DNAJC3: variants seen among roughly 807,000 people sequenced by gnomAD.
DNAJC3 encodes the protein DnaJ heat shock protein family (Hsp40) member C3, also known as dnaJ homolog subfamily C member 3.
Under a neutral mutation model 68.6 loss-of-function variants are expected in DNAJC3, and 38 were observed. The ratio of observed to expected loss-of-function variants is 0.55; its 90% CI spans 0.43 to 0.73. DNAJC3 has a LOEUF of 0.73. DNAJC3 is among the 30% of genes least tolerant of loss of function. The pLI, the probability that DNAJC3 is intolerant of heterozygous loss-of-function variation, is 0.00. For synonymous variants in DNAJC3, 203 were observed against 204.0 expected, an observed-to-expected ratio of 1.00 and a Z score of 0.04; for missense variants, 526 against 591.9, an observed-to-expected ratio of 0.89 and a Z score of 1.16.
rs976429170 is a variant in DNAJC3 at position 95,793,542 on chromosome 13, T to G, written c.*2512T>G. On this transcript the variant is annotated 3_prime_UTR_variant, in exon 12 of 12. Coordinates refer to ENST00000602402, the MANE Select transcript of DNAJC3 (RefSeq NM_006260.5). The stretch of plus-strand genomic sequence containing the variant: ...TCTTGCTCTGTTGCCCAGGCTGGAG[T>G]GCAGGGACACCTCCCGGGTTCAAGC... 3 of 136,644 alleles carry G rather than the reference T, an allele frequency of 2.2e-5. No homozygotes were observed. The Admixed American group carries it at 2.6e-4, about 12-fold the overall frequency. 8.5% of individuals were successfully genotyped at this position (136,644 alleles called of 1,614,324 possible).
At chr13:95,767,662 C>A (rs368434058) in intron 9 of DNAJC3, among the ~76,000 whole-genome samples, 3 of 150,290 alleles carry the variant, frequency 2.0e-5, no homozygotes, top group East Asian at 1.9e-4. Context: ...GATTCTGATT[C>A]TTCCACATCC....
At chr13:95,770,250 CTTCT>C (rs948974056) in intron 9 of DNAJC3, among the ~76,000 whole-genome samples, 6 of 151,252 alleles carry the variant, frequency 4.0e-5, no homozygotes, top group African/African-American at 1.5e-4. Flanking sequence ...AATGAAGAGG[CTTCT>C]TTAAGAAAGG....
chr13:95,701,745 C>T (rs1208041807), intron 1 of DNAJC3, among the ~76,000 whole-genome samples: 1 of 152,174 alleles, frequency 6.6e-6, no homozygotes, highest in African/African-American at 2.4e-5. Flanking sequence ...AGTTATTGAG[C>T]ACTTAAACTG....
chr13:95,755,613 C>T (rs1004412278), intron 4 of DNAJC3, among the ~76,000 whole-genome samples: 2 of 150,898 alleles, frequency 1.3e-5, no homozygotes, highest in African/African-American at 4.9e-5. Flanking sequence ...AAAAATTAGC[C>T]GGGCATGGTG....
At chr13:95,768,534 G>A (rs1192816571) in intron 9 of DNAJC3, among the ~76,000 whole-genome samples, 3 of 152,170 alleles carry the variant, frequency 2.0e-5, no homozygotes, top group African/African-American at 7.2e-5. Context: ...GCTGGCCTGG[G>A]CAAAATTGTG....
At chr13:95,764,715 TATAC>T (rs1446806203) in intron 9 of DNAJC3, among the ~76,000 whole-genome samples, 7 of 135,794 alleles carry the variant, frequency 5.2e-5, no homozygotes, top group Non-Finnish European at 1.1e-4. Context: ...TACATATATA[TATAC>T]ACATATATAT....
chr13:95,742,643 G>C (rs778536832), intron 4 of DNAJC3: 2 of 516,134 alleles, frequency 3.9e-6, no homozygotes, highest in Non-Finnish European at 7.8e-6. Flanking sequence ...GGTGTTTCCT[G>C]TTCCTTCTCT....
chr13:95,691,674 A>G (rs543976374), intron 1 of DNAJC3, among the ~76,000 whole-genome samples: 10 of 152,196 alleles, frequency 6.6e-5, no homozygotes, highest in South Asian at 2.1e-4. Flanking sequence ...AGAGGCTGCA[A>G]TCTCGGCACT....
chr13:95,763,331 T>G (rs532740340), intron 7 of DNAJC3, among the ~76,000 whole-genome samples: 1 of 152,382 alleles, frequency 6.6e-6, no homozygotes, highest in African/African-American at 2.4e-5. Context: ...CAGGGTGTTT[T>G]ACTCAGGTTT....
intron 1 of DNAJC3, among the ~76,000 whole-genome samples, chr13:95,682,793 ATG>A (rs1323875716): frequency 6.6e-6 from 1 of 152,236 alleles, no homozygotes; most frequent in African/African-American, 2.4e-5. Context: ...GATTTTTCAG[ATG>A]TGTCTTTATG....
At chr13:95,779,132 T>C (rs1883369217) in intron 9 of DNAJC3, among the ~76,000 whole-genome samples, 2 of 140,866 alleles carry the variant, frequency 1.4e-5, no homozygotes, top group African/African-American at 5.3e-5. Context: ...TTTTTTTTTT[T>C]TTTTTTTTTT....
intron 4 of DNAJC3, among the ~76,000 whole-genome samples, chr13:95,731,255 C>G (rs1013661300): frequency 2.0e-5 from 3 of 152,124 alleles, no homozygotes; most frequent in Non-Finnish European, 4.4e-5. Context: ...GACAATTTGA[C>G]TTCATGTTTT....
intron 1 of DNAJC3, among the ~76,000 whole-genome samples, chr13:95,702,495 G>A (rs547580746): frequency 1.3e-5 from 2 of 152,304 alleles, no homozygotes; most frequent in African/African-American, 4.8e-5. Flanking sequence ...AACCTAATCT[G>A]ATGTGACAGT....
chr13:95,734,424 G>A (rs1484804936), intron 4 of DNAJC3, among the ~76,000 whole-genome samples: 1 of 152,254 alleles, frequency 6.6e-6, no homozygotes, highest in African/African-American at 2.4e-5. Context: ...ATGACTAAAT[G>A]TTTTTATCTT....
chr13:95,678,727 GA>G (rs1879834989), intron 1 of DNAJC3, among the ~76,000 whole-genome samples: 1 of 150,918 alleles, frequency 6.6e-6, no homozygotes, highest in South Asian at 2.1e-4. Context: ...GTTTAATGGT[GA>G]TTTTTTTTTT....
chr13:95,698,903 G>A (rs1880518790), intron 1 of DNAJC3, among the ~76,000 whole-genome samples: 1 of 152,206 alleles, frequency 6.6e-6, no homozygotes, highest in Admixed American at 6.5e-5. Flanking sequence ...GACCCTGAAA[G>A]GTGTTGTTTG....
chr13:95,752,613 A>G (rs2139668108), intron 4 of DNAJC3, among the ~76,000 whole-genome samples: 1 of 152,304 alleles, frequency 6.6e-6, no homozygotes, highest in East Asian at 1.9e-4. Flanking sequence ...TATATAGGTT[A>G]GTTACATATG....
At chr13:95,716,944 C>T (rs868840799) in intron 2 of DNAJC3, among the ~76,000 whole-genome samples, 2 of 152,140 alleles carry the variant, frequency 1.3e-5, no homozygotes, top group South Asian at 2.1e-4. Context: ...AGGGTGCAGC[C>T]CTACCTGGGA....
intron 4 of DNAJC3, among the ~76,000 whole-genome samples, chr13:95,743,898 G>T (rs764956735): frequency 6.6e-6 from 1 of 152,146 alleles, no homozygotes; most frequent in South Asian, 2.1e-4. Context: ...TTAATATTGG[G>T]TAAAGTGATT....
Sources: gnomAD v4.1 joint callset for allele counts (sites outside exome capture counted in the v4.1 genomes callset) on GRCh38, gnomAD v4.1.1 for gene constraint, MANE v1.5 for transcripts, NCBI Gene and HGNC (gene_info 2026-07-23, HGNC 2026-07-21) for gene names.